The following PHLPP2 variants were observed in gnomAD, a reference collection of about 807,000 sequenced individuals.
PHLPP2 encodes the protein PH domain and leucine rich repeat protein phosphatase 2.
Under a neutral mutation model 124.9 loss-of-function variants are expected in PHLPP2, and 66 were observed. The ratio of observed to expected loss-of-function variants is 0.53; its 90% CI spans 0.43 to 0.65. PHLPP2 has a LOEUF of 0.65. Ranked by LOEUF, PHLPP2 falls within the 30% of genes least tolerant of loss-of-function variation. The probability of loss-of-function intolerance (pLI) is 0.00; values close to 1 mark genes in which losing one functional copy is unlikely to be tolerated. For missense variants in PHLPP2, 1,685 were observed against 1,600.4 expected, an observed-to-expected ratio of 1.05 and a Z score of -0.90; for synonymous variants, 681 against 624.7, an observed-to-expected ratio of 1.09 and a Z score of -1.34.
At chr16:71,679,354 C>T (rs748676411) in intron 7 of PHLPP2, 35 bp downstream of exon 7, 1 of 1,598,124 alleles carries the variant, frequency 6.3e-7, no homozygotes, top group Non-Finnish European at 8.6e-7. Context: ...CCTTATTCTG[C>T]AAGGGAAAAG....
chr16:71,705,471 T>C (rs923319445), intron 2 of PHLPP2, among the ~76,000 whole-genome samples: 1 of 152,194 alleles, frequency 6.6e-6, no homozygotes, highest in Non-Finnish European at 1.5e-5. Flanking sequence ...TCTGTAGATT[T>C]TGGAAACCCT....
Position 71,715,032 on chromosome 16 carries a change from TC to T in PHLPP2, c.-6-232del, listed in dbSNP as rs2045352447. The T allele has an allele frequency of 5.3e-6, 3 of 562,272 alleles. No homozygotes were observed. In the African/African-American group the frequency reaches 5.7e-5, roughly 11 times the overall value. 34.8% of individuals were successfully genotyped at this position (562,272 alleles called of 1,614,324 possible). A position where few individuals can be genotyped will look rare whatever the true frequency, so the allele number is the denominator to read the frequency against. ...CCATCATCTTCGTTGACCTCTCTTTTCCTTGTGTTTTCAGAAACGTGTCAAG... is the reference window on the plus strand; with the variant it reads ...CCATCATCTTCGTTGACCTCTCTTTTCTTGTGTTTTCAGAAACGTGTCAAG... On this transcript the variant is annotated intron_variant, in intron 1 of 18. Coordinates refer to ENST00000568954, the MANE Select transcript of PHLPP2 (RefSeq NM_015020.3).
Position 71,648,897 on chromosome 16 carries a change from G to A in PHLPP2, c.3965C>T (p.Ala1322Val), listed in dbSNP as rs1486953380. Residue 1322 changes from alanine to valine, a missense_variant, in exon 19 of 19, where the codon GCA becomes GTA. Ala to Val is a moderately conservative substitution (Grantham distance 64). Coordinates refer to ENST00000568954, the MANE Select transcript of PHLPP2 (RefSeq NM_015020.3). The stretch of plus-strand genomic sequence containing the variant: ...CTGTGCCCAGTGGGGCAGTCATAGT[G>A]CTGTGTCGAACTCCTCCGGGGGCTC... Reference protein sequence around the residue: ...RTEPPEEFDTAL With the variant: ...RTEPPEEFDTVL The A allele has an allele frequency of 6.8e-6, 11 of 1,611,206 alleles. No homozygotes were observed. In the Admixed American group the frequency reaches 1.7e-4, roughly 24 times the overall value.
intron 2 of PHLPP2, among the ~76,000 whole-genome samples, chr16:71,705,178 C>T (rs531962861): frequency 2.0e-5 from 3 of 152,278 alleles, no homozygotes; most frequent in East Asian, 3.9e-4. Flanking sequence ...AAGAACCAAA[C>T]GGGGCCAGAT....
At chr16:71,650,200 TGTAGA>T (rs1349113549) in intron 18 of PHLPP2, among the ~76,000 whole-genome samples, 156 bp from the exon 19 acceptor site, 1 of 152,164 alleles carries the variant, frequency 6.6e-6, no homozygotes, top group African/African-American at 2.4e-5. Context: ...CACAAATAAA[TGTAGA>T]GAAGTCCTAA....
chr16:71,688,608 G>GT (rs371183298), intron 4 of PHLPP2, among the ~76,000 whole-genome samples: 6,478 of 125,640 alleles, frequency 0.052, 546 homozygotes, highest in African/African-American at 0.16. Flanking sequence ...TTCTCTGTGG[G>GT]TTTTTTTTTT....
At chr16:71,703,395 C>T (rs2045249522) in intron 2 of PHLPP2, among the ~76,000 whole-genome samples, 1 of 152,128 alleles carries the variant, frequency 6.6e-6, no homozygotes, top group Admixed American at 6.5e-5. Context: ...CATTCTACTA[C>T]ATGGTCCTAA....
chr16:71,652,814 C>G lies in PHLPP2; in HGVS notation c.2793G>C (p.Lys931Asn), dbSNP rs1238159894. ...EQDPEEAQRVKDQKAIITEDN... is the reference protein window; with the variant it reads ...EQDPEEAQRVNDQKAIITEDN... ...CCTCTGTGATGATGGCTTTTTGGTCCTTCACCCTTTGAGCCTCCTCTGGGT... is the reference window on the plus strand; with the variant it reads ...CCTCTGTGATGATGGCTTTTTGGTCGTTCACCCTTTGAGCCTCCTCTGGGT... Residue 931 changes from lysine (K) to asparagine (N), a missense_variant, in exon 18 of 19, where the codon AAG becomes AAC. By Grantham distance (94) the Lys-to-Asn change is moderately conservative (BLOSUM62 0). Transcript: ENST00000568954. 1.9e-6 allele frequency: 3 copies of G among 1,613,876 alleles called. No individual in the cohort carries two copies. The highest frequency in any genetic ancestry group is 2.5e-6 in the Non-Finnish European group (3 of 1,179,866).
intron 1 of PHLPP2, among the ~76,000 whole-genome samples, chr16:71,716,195 C>A (rs753614536): frequency 1.3e-5 from 2 of 152,124 alleles, no homozygotes; most frequent in Non-Finnish European, 2.9e-5. Flanking sequence ...AAACTTTATC[C>A]ACTCTCCTGT....
At chr16:71,702,812 T>A in intron 2 of PHLPP2, 81 bp from the exon 3 acceptor site, 1 of 999,022 alleles carries the variant, frequency 1.0e-6, no homozygotes, top group Non-Finnish European at 1.4e-6. Context: ...TTTTTATTTG[T>A]ATAAATTTCA....
chr16:71,667,335 TA>T lies in PHLPP2; in HGVS notation c.1629-3del, dbSNP rs1383701848. ...CTAAGACTCAAGCTACTCAGAATTC[TA>T]AGGGGGGAGCATACAAACAAACACA... On this transcript the variant is annotated splice_polypyrimidine_tract_variant and splice_region_variant and intron_variant, in intron 11 of 18. Coordinates refer to ENST00000568954, the MANE Select transcript of PHLPP2 (RefSeq NM_015020.3). The T allele has an allele frequency of 6.2e-7, 1 of 1,610,488 alleles. No homozygotes were observed. Among genetic ancestry groups the T allele is most frequent in the Non-Finnish European group, 8.5e-7 (1 of 1,177,272 alleles).
intron 14 of PHLPP2, 59 bp from the exon 15 acceptor site, chr16:71,658,422 C>T: frequency 6.8e-7 from 1 of 1,475,832 alleles, no homozygotes; most frequent in Non-Finnish European, 9.3e-7. Flanking sequence ...TTCTTTACTC[C>T]CAAGTGTCCA....
chr16:71,715,013 T>A, intron 1 of PHLPP2: 1 of 594,334 alleles, frequency 1.7e-6, no homozygotes, highest in Non-Finnish European at 2.9e-6. Context: ...CCATCCATCA[T>A]CTTCGTTGAC....
At chr16:71,672,507 A>C (rs1421928326) in intron 9 of PHLPP2, among the ~76,000 whole-genome samples, 185 bp from the exon 10 acceptor site, 1 of 152,248 alleles carries the variant, frequency 6.6e-6, no homozygotes, top group Non-Finnish European at 1.5e-5. Flanking sequence ...GTCTTGAAAA[A>C]CAAATGTAAC....
At chr16:71,670,766 G>A (rs960954351) in intron 10 of PHLPP2, among the ~76,000 whole-genome samples, 6 of 150,790 alleles carry the variant, frequency 4.0e-5, no homozygotes, top group Non-Finnish European at 8.8e-5. Flanking sequence ...CAATAATGAC[G>A]ACGAACAGTG....
chr16:71,654,529 C>T (rs946596009), intron 17 of PHLPP2, among the ~76,000 whole-genome samples: 5 of 152,194 alleles, frequency 3.3e-5, no homozygotes, highest in Non-Finnish European at 5.9e-5. Context: ...CGACCCATAG[C>T]TCCCAGCCAG....
intron 1 of PHLPP2, among the ~76,000 whole-genome samples, chr16:71,717,814 C>G (rs2045373223): frequency 6.6e-6 from 1 of 152,116 alleles, no homozygotes; most frequent in Admixed American, 6.6e-5. Flanking sequence ...ACAAAAAAGT[C>G]GTCTTCAGAA....
At chr16:71,702,088 T>C (rs573970253) in intron 3 of PHLPP2, among the ~76,000 whole-genome samples, 2 of 152,202 alleles carry the variant, frequency 1.3e-5, no homozygotes, top group Non-Finnish European at 2.9e-5. Flanking sequence ...TTTTTAACTA[T>C]TATAGTGATA....
At chr16:71,658,025 T>C (rs1194391911) in intron 15 of PHLPP2, among the ~76,000 whole-genome samples, 1 of 152,194 alleles carries the variant, frequency 6.6e-6, no homozygotes, top group Admixed American at 6.5e-5. Flanking sequence ...TGGGGGGTAG[T>C]AGCCATGGAG....
Sources: gnomAD v4.1 joint callset for allele counts (sites outside exome capture counted in the v4.1 genomes callset) on GRCh38, gnomAD v4.1.1 for gene constraint, MANE v1.5 for transcripts, NCBI Gene and HGNC (gene_info 2026-07-23, HGNC 2026-07-21) for gene names.